SAMTOR: variants seen among roughly 807,000 people sequenced by gnomAD.
SAMTOR encodes the protein S-adenosylmethionine sensor upstream of mTORC1, also known as UPF0532 protein C7orf60.
chr7:112,890,263 A>G, the SAMTOR span, among the ~76,000 whole-genome samples: 1 of 152,146 alleles, frequency 6.6e-6, no homozygotes, highest in East Asian at 1.9e-4. Context: ...AGCCTTACTG[A>G]CTGAGGTGTT....
the SAMTOR span, among the ~76,000 whole-genome samples, chr7:112,858,236 CAT>C: frequency 2.0e-5 from 3 of 151,890 alleles, no homozygotes; most frequent in East Asian, 3.9e-4. Context: ...ATGAAACATT[CAT>C]AGTCTTTGAA....
the SAMTOR span, among the ~76,000 whole-genome samples, chr7:112,837,643 A>G: frequency 6.6e-6 from 1 of 151,914 alleles, no homozygotes; most frequent in African/African-American, 2.4e-5. Flanking sequence ...TGGTTTCTAT[A>G]TATTATTCTT....
At chr7:112,833,948 G>A in the SAMTOR span, among the ~76,000 whole-genome samples, 1 of 152,056 alleles carries the variant, frequency 6.6e-6, no homozygotes, top group African/African-American at 2.4e-5. Flanking sequence ...CTTTATTTTA[G>A]GTAGTCACTA....
chr7:112,820,093 T>C, the SAMTOR span: 1 of 152,536 alleles, frequency 6.6e-6, no homozygotes, highest in Non-Finnish European at 1.5e-5. Flanking sequence ...GTGGCATATT[T>C]GAGCAACCAA....
At chr7:112,828,461 C>T in the SAMTOR span, among the ~76,000 whole-genome samples, 108 of 152,244 alleles carry the variant, frequency 7.1e-4, no homozygotes, top group Non-Finnish European at 1.1e-3. Flanking sequence ...GTGCTTGTTT[C>T]TGAGTTAAAA....
chr7:112,937,003 A>G, the SAMTOR span, among the ~76,000 whole-genome samples: 12 of 152,294 alleles, frequency 7.9e-5, no homozygotes, highest in Non-Finnish European at 1.8e-4. Flanking sequence ...ATAATGAACT[A>G]CCAAAGCATC....
the SAMTOR span, among the ~76,000 whole-genome samples, chr7:112,912,878 T>C: frequency 2.0e-5 from 3 of 152,158 alleles, no homozygotes; most frequent in African/African-American, 7.2e-5. Context: ...AAGTAGAAGG[T>C]GAAAGCAATT....
At chr7:112,928,944 C>T in the SAMTOR span, among the ~76,000 whole-genome samples, 1 of 151,818 alleles carries the variant, frequency 6.6e-6, no homozygotes, top group African/African-American at 2.4e-5. Context: ...TGAACAGTAA[C>T]ACCACCAAAT....
the SAMTOR span, among the ~76,000 whole-genome samples, chr7:112,910,303 A>C: frequency 6.6e-6 from 1 of 152,226 alleles, no homozygotes; most frequent in East Asian, 1.9e-4. Flanking sequence ...ATTGGTAATT[A>C]AACAGAATTA....
chr7:112,922,525 G>C, the SAMTOR span, among the ~76,000 whole-genome samples: 24 of 150,976 alleles, frequency 1.6e-4, no homozygotes, highest in African/African-American at 5.6e-4. Context: ...GCCTCTTCCC[G>C]GCCGCCATCC....
At chr7:112,865,643 A>G in the SAMTOR span, among the ~76,000 whole-genome samples, 1 of 143,338 alleles carries the variant, frequency 7.0e-6, no homozygotes, top group African/African-American at 2.6e-5. Context: ...TCATATATAC[A>G]TATATTCATA....
At chr7:112,864,633 G>A in the SAMTOR span, among the ~76,000 whole-genome samples, 1 of 152,314 alleles carries the variant, frequency 6.6e-6, no homozygotes, top group South Asian at 2.1e-4. Context: ...ACAGCTGAAA[G>A]TTCTGTGTTT....
At chr7:112,894,478 T>C in the SAMTOR span, among the ~76,000 whole-genome samples, 3 of 152,130 alleles carry the variant, frequency 2.0e-5, no homozygotes, top group Non-Finnish European at 4.4e-5. Flanking sequence ...GATAAAGACA[T>C]CTCTGAGCCT....
At chr7:112,903,022 T>C in the SAMTOR span, among the ~76,000 whole-genome samples, 3 of 152,244 alleles carry the variant, frequency 2.0e-5, no homozygotes, top group East Asian at 1.9e-4. Flanking sequence ...TTTTAAAAAA[T>C]GGCCGCATAG....
chr7:112,923,182 A>T, the SAMTOR span, among the ~76,000 whole-genome samples: 1 of 152,182 alleles, frequency 6.6e-6, no homozygotes, highest in Admixed American at 6.5e-5. Context: ...CCTTACCCCT[A>T]ACCCTGTGCT....
At chr7:112,938,994 G>A in the SAMTOR span, among the ~76,000 whole-genome samples, 1 of 152,168 alleles carries the variant, frequency 6.6e-6, no homozygotes, top group Non-Finnish European at 1.5e-5. Context: ...ATGGGAGTGG[G>A]GGCCACGAGT....
chr7:112,909,699 G>A, the SAMTOR span, among the ~76,000 whole-genome samples: 24,424 of 151,756 alleles, frequency 0.16, 2,074 homozygotes, highest in Middle Eastern at 0.36. Context: ...ATGTATTAAT[G>A]TAATTCAGAA....
At chr7:112,898,884 T>C in the SAMTOR span, among the ~76,000 whole-genome samples, 1 of 152,244 alleles carries the variant, frequency 6.6e-6, no homozygotes, top group Non-Finnish European at 1.5e-5. Flanking sequence ...GAGTGCCCTC[T>C]AGTGCTGAAA....
chr7:112,923,015 A>G, the SAMTOR span, among the ~76,000 whole-genome samples: 1 of 152,190 alleles, frequency 6.6e-6, no homozygotes, highest in Non-Finnish European at 1.5e-5. Flanking sequence ...TGATGACAAT[A>G]GCGGTTTTGT....
Sources: gnomAD v4.1 joint callset for allele counts (sites outside exome capture counted in the v4.1 genomes callset) on GRCh38, gnomAD v4.1.1 for gene constraint, MANE v1.5 for transcripts, NCBI Gene and HGNC (gene_info 2026-07-23, HGNC 2026-07-21) for gene names.